PRCC: variants seen among roughly 807,000 people sequenced by gnomAD.
The protein encoded by PRCC is proline rich mitotic checkpoint control factor.
A neutral mutation model predicts 44.0 loss-of-function variants in PRCC; 10 were observed. That is an observed-to-expected ratio of 0.23 (90% CI 0.14 to 0.39). PRCC has a LOEUF of 0.39. Among genes scored for constraint, PRCC ranks in the 10% least tolerant of loss-of-function variants. The pLI, the probability that PRCC is intolerant of heterozygous loss-of-function variation, is 1.00. For synonymous variants in PRCC, 278 were observed against 259.5 expected (o/e 1.07, Z -0.69); for missense variants, 573 against 624.7 (o/e 0.92, Z 0.88).
intron 4 of PRCC, among the ~76,000 whole-genome samples, chr1:156,794,385 G>A (rs75548851): frequency 0.1 from 15,470 of 152,166 alleles, 1,001 homozygotes; most frequent in African/African-American, 0.18. Context: ...GGCAGATACC[G>A]TTTGAATACA....
intron 4 of PRCC, among the ~76,000 whole-genome samples, chr1:156,794,343 A>T (rs1378725040): frequency 6.6e-6 from 1 of 152,182 alleles, no homozygotes; most frequent in Admixed American, 6.6e-5. Flanking sequence ...TACATGTGCC[A>T]GTTTGTTACA....
At chr1:156,779,126 A>ATTT (rs1651945225) in intron 1 of PRCC, among the ~76,000 whole-genome samples, 2 of 29,334 alleles carry the variant, frequency 6.8e-5, no homozygotes, top group African/African-American at 1.3e-4. Context: ...ATATATATAT[A>ATTT]TATTTTTTTT....
chr1:156,786,696 A>G lies in PRCC; in HGVS notation c.605A>G (p.His202Arg). 3 of 1,614,136 alleles carry G rather than the reference A, an allele frequency of 1.9e-6. No individual in the cohort carries two copies. The highest frequency in any genetic ancestry group is 2.5e-6 in the Non-Finnish European group (3 of 1,180,010). ...GAGACTAACAGGTTGCTCCTGCCCC[A>G]TGCCTTCTCCCGCAAACCCTCGGAT... Reference protein sequence around the residue: ...VKETNRLLLPHAFSRKPSDGS... With the variant: ...VKETNRLLLPRAFSRKPSDGS... Residue 202 changes from histidine (H) to arginine (R), a missense_variant, in exon 3 of 7, where the codon CAT (histidine) becomes CGT (arginine). His to Arg is a conservative substitution (Grantham distance 29). Coordinates refer to ENST00000271526, the MANE Select transcript of PRCC (RefSeq NM_005973.5).
chr1:156,791,857 A>T, intron 4 of PRCC, 65 bp downstream of exon 4: 1 of 1,442,092 alleles, frequency 6.9e-7, no homozygotes, highest in Admixed American at 1.9e-5. Flanking sequence ...ATCTGAAGCC[A>T]AAGGAAATTA....
At chr1:156,797,467 C>T in intron 6 of PRCC, 126 bp downstream of exon 6, 2 of 1,091,610 alleles carry the variant, frequency 1.8e-6, no homozygotes, top group South Asian at 2.8e-5. Flanking sequence ...CAGGCATCCT[C>T]TCCTATTCTC....
At chr1:156,788,030 T>G (rs761233774) in intron 3 of PRCC, among the ~76,000 whole-genome samples, 5 of 152,138 alleles carry the variant, frequency 3.3e-5, no homozygotes, top group Non-Finnish European at 7.4e-5. Context: ...GAGACGGGGT[T>G]TCACTGTGTT....
intron 2 of PRCC, among the ~76,000 whole-genome samples, chr1:156,785,798 T>C (rs1327634466): frequency 1.4e-5 from 2 of 141,486 alleles, no homozygotes; most frequent in Non-Finnish European, 3.0e-5. Context: ...GCTTTCTCCC[T>C]TGGTCAGGGG....
chr1:156,781,102 C>G (rs1393622596), intron 1 of PRCC, among the ~76,000 whole-genome samples: 2 of 152,038 alleles, frequency 1.3e-5, no homozygotes, highest in Non-Finnish European at 2.9e-5. Context: ...AGGGCAGGTA[C>G]TTTTTTCATA....
At chr1:156,771,713 TAG>T (rs1651643971) in intron 1 of PRCC, among the ~76,000 whole-genome samples, 1 of 151,590 alleles carries the variant, frequency 6.6e-6, no homozygotes, top group Non-Finnish European at 1.5e-5. Context: ...TTTAAATAAA[TAG>T]AGACGTTGTC....
chr1:156,781,057 GTACT>G (rs752069360), intron 1 of PRCC, among the ~76,000 whole-genome samples: 37 of 152,048 alleles, frequency 2.4e-4, no homozygotes, highest in Admixed American at 2.0e-4. Flanking sequence ...AGTGATTTGG[GTACT>G]TATTCTTTTT....
chr1:156,796,449 T>C (rs531839140), intron 5 of PRCC: 2 of 152,266 alleles, frequency 1.3e-5, no homozygotes, highest in African/African-American at 2.4e-5. Context: ...ACATAAGTGC[T>C]GAGGAGACTC....
chr1:156,800,351 C>T, intron 6 of PRCC, 23 bp from the exon 7 acceptor site: 1 of 1,612,282 alleles, frequency 6.2e-7, no homozygotes, highest in East Asian at 2.2e-5. Context: ...TTGACCCTCC[C>T]CTACCCTTCT....
intron 4 of PRCC, among the ~76,000 whole-genome samples, chr1:156,793,183 A>C (rs1652550802): frequency 6.6e-6 from 1 of 152,176 alleles, no homozygotes; most frequent in Non-Finnish European, 1.5e-5. Context: ...TACTGTGTTC[A>C]TCCACTCCCC....
At chr1:156,781,592 C>T (rs369008350) in intron 1 of PRCC, among the ~76,000 whole-genome samples, 9 of 152,322 alleles carry the variant, frequency 5.9e-5, no homozygotes, top group African/African-American at 2.2e-4. Flanking sequence ...TATTTTTCAG[C>T]ATGAGAGCTT....
At chr1:156,798,638 C>T (rs1433532622) in intron 6 of PRCC, among the ~76,000 whole-genome samples, 1 of 151,970 alleles carries the variant, frequency 6.6e-6, no homozygotes, top group Non-Finnish European at 1.5e-5. Context: ...GGGCGGATCA[C>T]GAGGTCAGGA....
chr1:156,778,167 T>C (rs749889587), intron 1 of PRCC, among the ~76,000 whole-genome samples: 3 of 152,148 alleles, frequency 2.0e-5, no homozygotes, highest in Admixed American at 2.0e-4. Context: ...GTATTCTTCC[T>C]GTCTGAGATT....
At chr1:156,798,712 C>T (rs1388993261) in intron 6 of PRCC, among the ~76,000 whole-genome samples, 1 of 151,840 alleles carries the variant, frequency 6.6e-6, no homozygotes, top group Non-Finnish European at 1.5e-5. Context: ...AAAAATTAGC[C>T]AGGCGTGGTG....
At chr1:156,791,241 C>A (rs1652461888) in intron 3 of PRCC, 1 of 1,074,122 alleles carries the variant, frequency 9.3e-7, no homozygotes, top group Non-Finnish European at 1.3e-6. Flanking sequence ...GACTGTTTCC[C>A]TGTATCCACA....
At chr1:156,783,085 G>A (rs1244600493) in intron 2 of PRCC, among the ~76,000 whole-genome samples, 4 of 152,054 alleles carry the variant, frequency 2.6e-5, no homozygotes, top group Admixed American at 2.0e-4. Context: ...TGTATTTTAA[G>A]TAGAGATGGG....
Sources: gnomAD v4.1 joint callset for allele counts (sites outside exome capture counted in the v4.1 genomes callset) on GRCh38, gnomAD v4.1.1 for gene constraint, MANE v1.5 for transcripts, NCBI Gene and HGNC (gene_info 2026-07-23, HGNC 2026-07-21) for gene names.